FOXN3: variants seen among roughly 807,000 people sequenced by gnomAD.
FOXN3 encodes the protein forkhead box protein N3.
FOXN3 carries 7 observed loss-of-function variants against 38.4 expected under a neutral mutation model. The observed-to-expected ratio is 0.18, with a 90% CI of 0.10 to 0.34. The LOEUF is 0.34. Among genes scored for constraint, FOXN3 ranks in the 10% least tolerant of loss-of-function variants. The pLI is 1.00. For missense variants in FOXN3, 456 were observed against 613.4 expected (o/e 0.74, Z 2.71); for synonymous variants, 230 against 242.2 (o/e 0.95, Z 0.47).
chr14:89,393,588 C>T (rs945605515), intron 2 of FOXN3, among the ~76,000 whole-genome samples: 2 of 152,170 alleles, frequency 1.3e-5, no homozygotes, highest in Admixed American at 1.3e-4. Flanking sequence ...ACGGAGCTCC[C>T]CCATAAACCA....
intron 4 of FOXN3, among the ~76,000 whole-genome samples, chr14:89,206,916 A>G (rs1888400774): frequency 6.6e-6 from 1 of 152,186 alleles, no homozygotes; most frequent in Non-Finnish European, 1.5e-5. Flanking sequence ...TGTGGCCATA[A>G]AATGTTTAGG....
chr14:89,389,040 G>C (rs1482939224), intron 2 of FOXN3, among the ~76,000 whole-genome samples: 3 of 152,112 alleles, frequency 2.0e-5, no homozygotes, highest in Non-Finnish European at 4.4e-5. Flanking sequence ...GCTGATTTTG[G>C]AGACTGGGTG....
At chr14:89,532,192 G>A (rs182316455) in intron 1 of FOXN3, among the ~76,000 whole-genome samples, 67 of 152,308 alleles carry the variant, frequency 4.4e-4, no homozygotes, top group African/African-American at 1.5e-3. Context: ...GTAACTGACT[G>A]CAGCTGCTGA....
intron 4 of FOXN3, among the ~76,000 whole-genome samples, chr14:89,209,564 T>C (rs1198513794): frequency 6.6e-6 from 1 of 152,242 alleles, no homozygotes; most frequent in African/African-American, 2.4e-5. Flanking sequence ...TAAATGGCCC[T>C]GAGAAATACA....
At chr14:89,280,595 G>A (rs2139916810) in intron 4 of FOXN3, among the ~76,000 whole-genome samples, 1 of 152,256 alleles carries the variant, frequency 6.6e-6, no homozygotes, top group African/African-American at 2.4e-5. Flanking sequence ...AACATGTAAA[G>A]GGGTTTGCTT....
At chr14:89,168,801 C>A (rs146415510) in intron 5 of FOXN3, among the ~76,000 whole-genome samples, 1 of 152,074 alleles carries the variant, frequency 6.6e-6, no homozygotes, top group African/African-American at 2.4e-5. Context: ...AAAGTCCATA[C>A]GGAGACACAT....
chr14:89,567,301 G>T (rs1895375732), intron 1 of FOXN3, among the ~76,000 whole-genome samples: 1 of 152,176 alleles, frequency 6.6e-6, no homozygotes, highest in Non-Finnish European at 1.5e-5. Context: ...TCTTTCTTGA[G>T]CATCTACTGC....
chr14:89,290,213 T>C (rs763211858), intron 3 of FOXN3: 6 of 281,572 alleles, frequency 2.1e-5, no homozygotes, highest in Non-Finnish European at 3.6e-5. Flanking sequence ...ACTGACCAAC[T>C]TGGATCCATC....
At chr14:89,185,490 T>C (rs1316614833) in intron 4 of FOXN3, 1 of 152,252 alleles carries the variant, frequency 6.6e-6, no homozygotes. Flanking sequence ...CCTCAGAGCA[T>C]ATTAAGACAC....
intron 1 of FOXN3, among the ~76,000 whole-genome samples, chr14:89,469,823 G>A (rs1455811803): frequency 2.6e-5 from 4 of 152,262 alleles, no homozygotes; most frequent in African/African-American, 9.6e-5. Flanking sequence ...CTAACACGCA[G>A]GATCGTTCCA....
intron 3 of FOXN3, among the ~76,000 whole-genome samples, chr14:89,326,497 A>G (rs1377038340): frequency 6.6e-6 from 1 of 152,192 alleles, no homozygotes; most frequent in Non-Finnish European, 1.5e-5. Context: ...GGAAGTCATC[A>G]AGAGTGGTGC....
chr14:89,356,478 T>G (rs939762462), intron 2 of FOXN3: 7 of 152,200 alleles, frequency 4.6e-5, no homozygotes, highest in African/African-American at 1.7e-4. Flanking sequence ...AACCTTATTA[T>G]GCAGATGATA....
At chr14:89,440,771 T>C (rs141562803) in intron 1 of FOXN3, among the ~76,000 whole-genome samples, 18 of 152,250 alleles carry the variant, frequency 1.2e-4, no homozygotes, top group African/African-American at 4.1e-4. Context: ...ACAAAGCCTG[T>C]TTGGTGGTCT....
intron 4 of FOXN3, among the ~76,000 whole-genome samples, chr14:89,198,384 G>C (rs923974039): frequency 1.2e-4 from 18 of 152,090 alleles, no homozygotes; most frequent in African/African-American, 4.3e-4. Context: ...GGTATCTTAG[G>C]GGGTCCTGGA....
intron 1 of FOXN3, among the ~76,000 whole-genome samples, chr14:89,475,796 G>A (rs1893198188): frequency 6.6e-6 from 1 of 152,184 alleles, no homozygotes; most frequent in Non-Finnish European, 1.5e-5. Flanking sequence ...GCCCCAGTGG[G>A]ATAATGAAGA....
At chr14:89,337,636 C>CTTCT (rs1888502124) in intron 3 of FOXN3, among the ~76,000 whole-genome samples, 1 of 144,858 alleles carries the variant, frequency 6.9e-6, no homozygotes, top group Non-Finnish European at 1.5e-5. Context: ...CTTTTCTTTT[C>CTTCT]TTTTTTTTTT....
chr14:89,164,246 A>C lies in FOXN3; in HGVS notation c.852-1277T>G, dbSNP rs1195943934. Among the ~76,000 whole-genome samples the C allele has an allele frequency of 6.6e-6, 1 of 152,168 alleles. No individual in the cohort carries two copies. The highest frequency in any genetic ancestry group is 1.5e-5 in the Non-Finnish European group (1 of 68,022). ...TGAATACTTGCAGGAGAGGAGGGTC[A>C]CTTGTAGCTGAAGGGGACGAAGGGT... On this transcript the variant is annotated intron_variant, in intron 5 of 5. Transcript: ENST00000557258. This position sits in a 1 kb window ranked among gnomAD's most constrained non-coding sequence, Gnocchi z 4.3.
intron 1 of FOXN3, among the ~76,000 whole-genome samples, chr14:89,523,757 C>T (rs1894368795): frequency 7.4e-6 from 1 of 135,866 alleles, no homozygotes; most frequent in Admixed American, 7.1e-5. Context: ...AATTGAATTT[C>T]TTCCTTTCTT....
chr14:89,299,781 A>AAATGG (rs1887160029), intron 3 of FOXN3, among the ~76,000 whole-genome samples: 3 of 152,208 alleles, frequency 2.0e-5, no homozygotes, highest in African/African-American at 4.8e-5. Context: ...GGTCTTGACA[A>AAATGG]TGGTACAAAT....
Sources: allele counts gnomAD v4.1 joint callset (sites outside exome capture counted in the v4.1 genomes callset), GRCh38; gene constraint gnomAD v4.1.1; non-coding constraint Gnocchi (gnomAD v3.1); transcripts MANE v1.5; gene names NCBI Gene and HGNC (gene_info 2026-07-23, HGNC 2026-07-21).